Variants in SPATA6 observed in about 807,000 individuals in gnomAD.
SPATA6 encodes spermatogenesis-associated protein 6.
Under a neutral mutation model 65.3 loss-of-function variants are expected in SPATA6, and 56 were observed. The ratio of observed to expected loss-of-function variants is 0.86; its 90% CI spans 0.69 to 1.07. SPATA6 has a LOEUF of 1.07. Among genes scored for constraint, SPATA6 ranks in the 50% least tolerant of loss-of-function variants. The pLI, the probability that SPATA6 is intolerant of heterozygous loss-of-function variation, is 0.00. For missense variants in SPATA6, 590 were observed against 594.8 expected (o/e 0.99, Z 0.08); for synonymous variants, 199 against 213.2 (o/e 0.93, Z 0.58).
At chr1:48,411,359 T>G in intron 5 of SPATA6, 105 bp downstream of exon 5, 1 of 1,297,420 alleles carries the variant, frequency 7.7e-7, no homozygotes, top group Non-Finnish European at 1.0e-6. Context: ...TAAACTAAAT[T>G]ACACTTTGAA....
intron 10 of SPATA6, among the ~76,000 whole-genome samples, chr1:48,356,807 C>CT (rs1200550373): frequency 6.6e-6 from 1 of 151,966 alleles, no homozygotes. Flanking sequence ...TTCTTAAAAG[C>CT]TACAATATCA....
In SPATA6 at chr1:48,411,555, G is replaced by A. The variant is rs1652232976; in HGVS notation, c.314C>T (p.Thr105Ile). 3 of 1,609,058 alleles carry A rather than the reference G, an allele frequency of 1.9e-6. No individual in the cohort carries two copies. Among genetic ancestry groups the A allele is most frequent in the Non-Finnish European group, 2.5e-6 (3 of 1,177,724 alleles). ...TGGACCCGGAAACATGAAATCTCGT[G>A]TATTTTCGTCATACGTAGACAGTGT... is the stretch of plus-strand genomic sequence containing the variant. ...GETLSTYDENTRDFMFPGPNQ... is the reference protein window; with the variant it reads ...GETLSTYDENIRDFMFPGPNQ... Residue 105 changes from threonine (T) to isoleucine (I), a missense_variant, in exon 5 of 13, where the codon ACA becomes ATA. By Grantham distance (89) the Thr-to-Ile change is moderately conservative. Transcript: ENST00000371847.
rs371064726 is a variant in SPATA6, at chr1:48,298,743, A to G, written c.1437T>C (p.Ser479=). Residue 479 remains serine, a synonymous_variant, in exon 13 of 13, where the codon AGT becomes AGC. Coordinates refer to ENST00000371847, the MANE Select transcript of SPATA6 (RefSeq NM_019073.4). ...MYRNLYKKAC[S]SASHTQESF ...AGCTTTCCTGTGTATGTGAAGCAGAACTACAGGCCTTTTTGTATAAGTTCC... is the reference window on the plus strand; with the variant it reads ...AGCTTTCCTGTGTATGTGAAGCAGAGCTACAGGCCTTTTTGTATAAGTTCC... The G allele has an allele frequency of 8.7e-6, 14 of 1,613,432 alleles. No individual in the cohort carries two copies. The African/African-American group carries it at 1.9e-4, about 22-fold the overall frequency.
chr1:48,358,647 C>T (rs1646723307), intron 10 of SPATA6, among the ~76,000 whole-genome samples: 1 of 152,096 alleles, frequency 6.6e-6, no homozygotes, highest in Non-Finnish European at 1.5e-5. Flanking sequence ...AACCGCTCTT[C>T]CAGTTTTTCT....
intron 3 of SPATA6, among the ~76,000 whole-genome samples, chr1:48,439,134 G>A (rs1655218831): frequency 1.3e-5 from 2 of 152,000 alleles, no homozygotes; most frequent in African/African-American, 4.8e-5. Context: ...ATACTAACAA[G>A]AGAACACTTA....
At chr1:48,372,272 G>C (rs1018563111) in intron 9 of SPATA6, among the ~76,000 whole-genome samples, 3 of 152,096 alleles carry the variant, frequency 2.0e-5, no homozygotes, top group Admixed American at 6.5e-5. Flanking sequence ...ACAGGTATTG[G>C]GTAAATACAG....
chr1:48,391,397 T>A (rs1050712637), intron 8 of SPATA6, among the ~76,000 whole-genome samples: 1 of 151,796 alleles, frequency 6.6e-6, no homozygotes, highest in Non-Finnish European at 1.5e-5. Context: ...GACAAGGATA[T>A]GCTAACTTTG....
At chr1:48,428,893 TTGTG>T (rs1377941751) in intron 3 of SPATA6, among the ~76,000 whole-genome samples, 9 of 123,806 alleles carry the variant, frequency 7.3e-5, no homozygotes, top group African/African-American at 2.7e-4. Context: ...GTGTGTGTGT[TTGTG>T]TGTGTGTGTG....
At chr1:48,405,931 T>C (rs1221096580) in intron 5 of SPATA6, among the ~76,000 whole-genome samples, 2 of 152,168 alleles carry the variant, frequency 1.3e-5, no homozygotes, top group African/African-American at 4.8e-5. Context: ...CTCATCCTTG[T>C]ACAACTTCAG....
chr1:48,430,593 A>G (rs990478468), intron 3 of SPATA6, among the ~76,000 whole-genome samples: 1 of 152,222 alleles, frequency 6.6e-6, no homozygotes, highest in African/African-American at 2.4e-5. Flanking sequence ...TAGTATTACT[A>G]TAACAATGGG....
chr1:48,316,547 A>C (rs1645427209), intron 11 of SPATA6, among the ~76,000 whole-genome samples: 1 of 152,228 alleles, frequency 6.6e-6, no homozygotes, highest in Non-Finnish European at 1.5e-5. Flanking sequence ...TGGATTAAAG[A>C]CTTACTTGTT....
chr1:48,380,756 G>A (rs1021084349), intron 9 of SPATA6, among the ~76,000 whole-genome samples: 4 of 152,156 alleles, frequency 2.6e-5, no homozygotes, highest in Admixed American at 2.6e-4. Flanking sequence ...CAATGTGCAT[G>A]TGTATGTGTT....
intron 9 of SPATA6, among the ~76,000 whole-genome samples, chr1:48,360,881 G>A (rs1298919690): frequency 6.6e-6 from 1 of 152,112 alleles, no homozygotes; most frequent in Non-Finnish European, 1.5e-5. Context: ...GGTCACAACT[G>A]GTCTCGATGT....
In SPATA6 at chr1:48,346,046, C is replaced by A. The variant is rs1318425842; in HGVS notation, c.1194+9624G>T. 4.6e-5 allele frequency among the ~76,000 whole-genome samples: 7 copies of A among 150,960 alleles called. No individual in the cohort carries two copies. The South Asian group carries it at 1.5e-3, about 31-fold the overall frequency. On this transcript the variant is annotated intron_variant, in intron 11 of 12. Transcript: ENST00000371847. Reference sequence around the variant, plus strand: ...AACCTGGAAGACATAAAACTTCAGGCCAATGCTTGATGAACATCAAGGCAA... The same window carrying A: ...AACCTGGAAGACATAAAACTTCAGGACAATGCTTGATGAACATCAAGGCAA...
intron 11 of SPATA6, among the ~76,000 whole-genome samples, chr1:48,317,866 G>T (rs544770994): frequency 2.0e-5 from 3 of 151,972 alleles, no homozygotes; most frequent in Non-Finnish European, 4.4e-5. Context: ...AAAAAACCCT[G>T]AAAACCAATA....
At position 48,417,440 on chromosome 1, in the gene SPATA6, A is replaced by G. The variant is rs150527550; in HGVS notation, c.239-4289T>C. ...AAGTTGAAAATTAATAGAGAAATAT[A>G]TATATTTGAGAGACATCAACAAATC... On this transcript the variant is annotated intron_variant, in intron 3 of 12. Coordinates refer to ENST00000371847, the MANE Select transcript of SPATA6 (RefSeq NM_019073.4). 2.1e-3 allele frequency among the ~76,000 whole-genome samples: 321 copies of G among 152,322 alleles called. 1 individual carries two copies. The highest frequency in any genetic ancestry group is 7.5e-3 in the African/African-American group (312 of 41,572).
the SPATA6 span, among the ~76,000 whole-genome samples, chr1:48,277,985 T>A: frequency 1.3e-5 from 2 of 152,142 alleles, no homozygotes; most frequent in African/African-American, 4.8e-5. Flanking sequence ...GACACAAAAC[T>A]TCCAGAGGAA....
intron 9 of SPATA6, among the ~76,000 whole-genome samples, chr1:48,364,700 C>T (rs1258603054): frequency 6.6e-6 from 1 of 152,000 alleles, no homozygotes; most frequent in Non-Finnish European, 1.5e-5. Flanking sequence ...GGATGTTAGC[C>T]CTTTGGCAGA....
Position 48,304,632 on chromosome 1 carries a change from T to C in SPATA6, c.1286+1155A>G, listed in dbSNP as rs531978877. On this transcript the variant is annotated intron_variant, in intron 12 of 12. Transcript: ENST00000371847. ...GCACTGGGATTACAGGCGTGAGCCATTGCACCTGGCCCCATGATATCTCTT... is the reference window on the plus strand; with the variant it reads ...GCACTGGGATTACAGGCGTGAGCCACTGCACCTGGCCCCATGATATCTCTT... 9.9e-5 allele frequency among the ~76,000 whole-genome samples: 15 copies of C among 152,224 alleles called. No homozygotes were observed. The South Asian group carries it at 2.7e-3, about 27-fold the overall frequency.
Sources: allele counts gnomAD v4.1 joint callset (sites outside exome capture counted in the v4.1 genomes callset), GRCh38; gene constraint gnomAD v4.1.1; transcripts MANE v1.5; gene names NCBI Gene and HGNC (gene_info 2026-07-23, HGNC 2026-07-21).